Variants in PGBD5 observed in about 807,000 individuals in gnomAD.
PGBD5 encodes piggyBac transposable element derived 5, also known as piggyBac transposable element-derived protein 5.
PGBD5 carries 14 observed loss-of-function variants against 47.9 expected under a neutral mutation model. That is an observed-to-expected ratio of 0.29 (90% CI 0.19 to 0.46). The LOEUF is 0.46. PGBD5 is among the 20% of genes least tolerant of loss of function. The pLI is 1.00. For synonymous variants in PGBD5, 316 were observed against 306.3 expected (o/e 1.03, Z -0.33); for missense variants, 635 against 716.0 (o/e 0.89, Z 1.29).
intron 1 of PGBD5, among the ~76,000 whole-genome samples, chr1:230,366,450 C>A (rs578041081): frequency 6.6e-6 from 1 of 152,306 alleles, no homozygotes; most frequent in South Asian, 2.1e-4. Flanking sequence ...ACTTGCCTAT[C>A]TACCCAGCCT....
At chr1:230,407,172 T>C (rs1461936336) in intron 1 of PGBD5, among the ~76,000 whole-genome samples, 2 of 152,206 alleles carry the variant, frequency 1.3e-5, no homozygotes, top group South Asian at 2.1e-4. Context: ...TAAAAAAGAA[T>C]ATTCAGAGCT....
intron 1 of PGBD5, among the ~76,000 whole-genome samples, chr1:230,360,659 T>C (rs984852626): frequency 3.3e-5 from 5 of 152,232 alleles, no homozygotes; most frequent in African/African-American, 9.6e-5. Flanking sequence ...CCTTCCGCCA[T>C]GATTGTAAGT....
At chr1:230,384,255 G>A (rs57166897) in intron 1 of PGBD5, among the ~76,000 whole-genome samples, 13,493 of 152,230 alleles carry the variant, frequency 0.089, 843 homozygotes, top group African/African-American at 0.18. Flanking sequence ...ACATTTGCCA[G>A]TACTTTCAAT....
intron 2 of PGBD5, among the ~76,000 whole-genome samples, chr1:230,355,704 G>A (rs1667629035): frequency 6.6e-6 from 1 of 152,226 alleles, no homozygotes; most frequent in Non-Finnish European, 1.5e-5. Flanking sequence ...TCAGATAACA[G>A]GGAATCCACA....
chr1:230,401,287 T>C (rs1289837513), intron 1 of PGBD5, among the ~76,000 whole-genome samples: 1 of 152,182 alleles, frequency 6.6e-6, no homozygotes, highest in Non-Finnish European at 1.5e-5. Flanking sequence ...CAAAGCACAC[T>C]GGACACAGGT....
chr1:230,333,141 G>A, intron 4 of PGBD5, 100 bp from the exon 5 acceptor site: 1 of 1,271,740 alleles, frequency 7.9e-7, no homozygotes, highest in Non-Finnish European at 1.1e-6. Context: ...GGACTGCCCG[G>A]TTCTGAGGCT....
intron 4 of PGBD5, among the ~76,000 whole-genome samples, chr1:230,335,720 TACAG>T (rs1455492312): frequency 4.2e-3 from 1 of 238 alleles, no homozygotes; most frequent in African/African-American, 9.4e-3. Context: ...CAGGTACACA[TACAG>T]ACACACACAG....
intron 2 of PGBD5, among the ~76,000 whole-genome samples, chr1:230,355,389 A>G (rs931673205): frequency 8.5e-5 from 13 of 152,236 alleles, no homozygotes; most frequent in African/African-American, 3.1e-4. Context: ...AGAGATACTT[A>G]GGCACAGCGA....
chr1:230,374,215 G>A (rs905997221), intron 1 of PGBD5, among the ~76,000 whole-genome samples: 1 of 152,108 alleles, frequency 6.6e-6, no homozygotes, highest in African/African-American at 2.4e-5. Flanking sequence ...TCAGGAGTTT[G>A]AGACCAGCCT....
intron 1 of PGBD5, among the ~76,000 whole-genome samples, chr1:230,415,787 G>A (rs576740390): frequency 7.9e-5 from 12 of 152,284 alleles, no homozygotes; most frequent in Non-Finnish European, 1.5e-5. Context: ...ATCATCTTTG[G>A]TTCAGAGCCC....
chr1:230,363,712 G>A (rs1296901645), intron 1 of PGBD5, among the ~76,000 whole-genome samples: 4 of 152,166 alleles, frequency 2.6e-5, no homozygotes, highest in Non-Finnish European at 5.9e-5. Context: ...ACTGTCAGCC[G>A]TTTTGTGATA....
rs199880446 is a variant in PGBD5, at chr1:230,315,997, A to C, written c.*7428T>G. The C allele has an allele frequency of 1.5e-4, 13 of 85,422 alleles. 3 individuals are homozygous for C. The highest frequency in any genetic ancestry group is 4.8e-4 in the African/African-American group (10 of 20,866). 5.3% of individuals were successfully genotyped at this position (85,422 alleles called of 1,614,324 possible). A position where few individuals can be genotyped will look rare whatever the true frequency, so the allele number is the denominator to read the frequency against. On this transcript the variant is annotated 3_prime_UTR_variant, in exon 7 of 7. Transcript: ENST00000391860. ...ATATATGTATGTGTATACATACATA[A>C]GTATATGTGTACACATATATGTATG... is the stretch of plus-strand genomic sequence containing the variant.
At chr1:230,350,937 C>T (rs372714314) in intron 3 of PGBD5, 21 bp downstream of exon 3, 322 of 1,611,560 alleles carry the variant, frequency 2.0e-4, no homozygotes, top group South Asian at 2.8e-4. Context: ...CGACCCTCCC[C>T]GGGCTCAGCC....
Position 230,316,171 on chromosome 1 carries a change from TAC to T in PGBD5, c.*7252_*7253del, listed in dbSNP as rs1273553433. On this transcript the variant is annotated 3_prime_UTR_variant, in exon 7 of 7. Coordinates refer to ENST00000391860, the MANE Select transcript of PGBD5 (RefSeq NM_001258311.2). ...GTACACATATATGTATGTGTATACA[TAC>T]ATACGTACACATGTGCATGTGTATA... The T allele has an allele frequency of 8.4e-6, 1 of 119,196 alleles. No homozygotes were observed. The highest frequency in any genetic ancestry group is 3.0e-5 in the African/African-American group (1 of 32,878). The allele number at this position is 119,196 out of a possible 1,614,324, so 7.4% of individuals were successfully genotyped here.
chr1:230,365,392 G>C (rs1667811592), intron 1 of PGBD5, among the ~76,000 whole-genome samples: 1 of 152,044 alleles, frequency 6.6e-6, no homozygotes, highest in Non-Finnish European at 1.5e-5. Flanking sequence ...ATGACAAAGG[G>C]CTGGTGGACA....
intron 1 of PGBD5, among the ~76,000 whole-genome samples, chr1:230,359,278 G>A (rs1667706787): frequency 1.3e-5 from 2 of 152,084 alleles, no homozygotes; most frequent in Admixed American, 1.3e-4. Flanking sequence ...TGCCCAGGCT[G>A]GTCTCCAACT....
chr1:230,338,127 G>A lies in PGBD5; in HGVS notation c.895-839C>T, dbSNP rs531638576. ...GATTATTTCTACATTAACACATGCA[G>A]CTCGCATGTTGCCTGTGGTTTCTAT... is the stretch of plus-strand genomic sequence containing the variant. On this transcript the variant is annotated intron_variant, in intron 3 of 6. Transcript: ENST00000391860. 4.5e-4 allele frequency among the ~76,000 whole-genome samples: 68 copies of A among 152,338 alleles called. 1 individual carries two copies. The highest frequency in any genetic ancestry group is 1.6e-3 in the African/African-American group (68 of 41,574).
intron 1 of PGBD5, among the ~76,000 whole-genome samples, chr1:230,406,186 T>C (rs1167711894): frequency 6.6e-6 from 1 of 151,818 alleles, no homozygotes; most frequent in Non-Finnish European, 1.5e-5. Context: ...CGGGCGCCTG[T>C]AGTCCCAGCT....
intron 1 of PGBD5, among the ~76,000 whole-genome samples, chr1:230,387,771 C>T (rs1656680307): frequency 6.6e-6 from 1 of 152,190 alleles, no homozygotes; most frequent in Non-Finnish European, 1.5e-5. Flanking sequence ...TGTCCAACAA[C>T]CTCATTCTGA....
Sources: gnomAD v4.1 joint callset for allele counts (sites outside exome capture counted in the v4.1 genomes callset) on GRCh38, gnomAD v4.1.1 for gene constraint, MANE v1.5 for transcripts, NCBI Gene and HGNC (gene_info 2026-07-23, HGNC 2026-07-21) for gene names.